Variants in CRCP observed in about 807,000 individuals in gnomAD.
CRCP encodes DNA-directed RNA polymerase III subunit RPC9.
In CRCP, 18 loss-of-function variants were observed where a neutral mutation model predicts 18.5. The ratio of observed to expected loss-of-function variants is 0.97; its 90% CI spans 0.67 to 1.44. CRCP has a LOEUF of 1.44. CRCP is among the 40% of genes most tolerant of loss of function. The pLI is 0.00. For synonymous variants in CRCP, 53 were observed against 62.9 expected (o/e 0.84, Z 0.75); for missense variants, 130 against 176.4 (o/e 0.74, Z 1.49).
chr7:66,137,245 G>T (rs1331053783), intron 4 of CRCP, among the ~76,000 whole-genome samples: 1 of 151,976 alleles, frequency 6.6e-6, no homozygotes, highest in Admixed American at 6.6e-5. Context: ...ATTGTAAATG[G>T]TGCTCATTTC....
chr7:66,121,173 C>G (rs1397820473), intron 1 of CRCP, among the ~76,000 whole-genome samples: 1 of 151,654 alleles, frequency 6.6e-6, no homozygotes, highest in Non-Finnish European at 1.5e-5. Context: ...CTCCCGAGTT[C>G]AAGCAGTCCT....
intron 1 of CRCP, among the ~76,000 whole-genome samples, chr7:66,120,343 T>A (rs1787400879): frequency 6.6e-6 from 1 of 152,342 alleles, no homozygotes; most frequent in South Asian, 2.1e-4. Flanking sequence ...ATTTTCTGAT[T>A]TTCCTAAGTG....
In CRCP at chr7:66,130,838, A is replaced by G. The variant is rs775272869; in HGVS notation, c.140A>G (p.Tyr47Cys). 5.2e-6 allele frequency: 8 copies of G among 1,536,468 alleles called. No homozygotes were observed. Among genetic ancestry groups the G allele is most frequent in the East Asian group, 2.3e-5 (1 of 44,424 alleles). The change falls in exon 3 of 6, where the codon TAT (tyrosine) becomes TGT (cysteine). Residue 47 changes from tyrosine (Y) to cysteine (C), a missense_variant. Coordinates refer to ENST00000395326, the MANE Select transcript of CRCP (RefSeq NM_014478.5). ...CAACAGAACTTGAACACTATCACCT[A>G]TGAAGTAAGGCTGGGCTTCTGCCAG... Reference protein sequence around the residue: ...SGQQNLNTITYETLKYISKTP... With the variant: ...SGQQNLNTITCETLKYISKTP...
intron 1 of CRCP, among the ~76,000 whole-genome samples, chr7:66,123,674 G>T (rs1276646651): frequency 6.6e-6 from 1 of 151,834 alleles, no homozygotes; most frequent in African/African-American, 2.4e-5. Context: ...CTTGAACTCG[G>T]GAAGTGGAGG....
intron 1 of CRCP, among the ~76,000 whole-genome samples, 170 bp from the exon 2 acceptor site, chr7:66,127,534 A>G (rs928334455): frequency 1.3e-5 from 2 of 152,238 alleles, no homozygotes; most frequent in African/African-American, 4.8e-5. Flanking sequence ...AATTGCCCAC[A>G]GCTAGCTAAA....
chr7:66,126,009 A>G (rs769530292), intron 1 of CRCP, among the ~76,000 whole-genome samples: 10 of 149,608 alleles, frequency 6.7e-5, no homozygotes, highest in Admixed American at 1.3e-4. Context: ...GAACTCTGTC[A>G]CATGCACTAA....
intron 2 of CRCP, among the ~76,000 whole-genome samples, chr7:66,128,270 A>G (rs753661910): frequency 6.6e-6 from 1 of 152,174 alleles, no homozygotes; most frequent in Non-Finnish European, 1.5e-5. Flanking sequence ...AAAGCTGGGA[A>G]GACTCTATTT....
intron 1 of CRCP, chr7:66,126,735 T>C: frequency 5.4e-6 from 2 of 370,248 alleles, no homozygotes; most frequent in Non-Finnish European, 1.1e-5. Context: ...TTGCTGGTGG[T>C]AGTGGTAGTT....
chr7:66,115,438 G>A (rs1787229738), intron 1 of CRCP, among the ~76,000 whole-genome samples: 1 of 152,154 alleles, frequency 6.6e-6, no homozygotes, highest in Non-Finnish European at 1.5e-5. Context: ...GCTGCCCTCG[G>A]AATTTGATGG....
chr7:66,127,660 G>A (rs772509504), intron 1 of CRCP, 44 bp from the exon 2 acceptor site: 2 of 1,609,172 alleles, frequency 1.2e-6, no homozygotes, highest in East Asian at 2.2e-5. Flanking sequence ...TACCCAGAAA[G>A]GGGTGTGAGC....
intron 1 of CRCP, among the ~76,000 whole-genome samples, chr7:66,122,660 A>G (rs1173182650): frequency 6.6e-6 from 1 of 151,832 alleles, no homozygotes; most frequent in Non-Finnish European, 1.5e-5. Flanking sequence ...TTACTCAAGC[A>G]TTGCTATGTT....
At chr7:66,145,922 A>T (rs542589535) in intron 5 of CRCP, among the ~76,000 whole-genome samples, 6 of 152,126 alleles carry the variant, frequency 3.9e-5, no homozygotes, top group African/African-American at 7.2e-5. Context: ...GCGCTGTCCC[A>T]TCAGCTCCCT....
chr7:66,151,731 G>T, intron 5 of CRCP, among the ~76,000 whole-genome samples: 3 of 132,474 alleles, frequency 2.3e-5, no homozygotes, highest in East Asian at 2.3e-4. Flanking sequence ...ATATAACTTA[G>T]CTTTTTCCTT....
At chr7:66,145,362 C>T in intron 4 of CRCP, 81 bp from the exon 5 acceptor site, 1 of 1,439,844 alleles carries the variant, frequency 6.9e-7, no homozygotes, top group Non-Finnish European at 9.7e-7. Context: ...TTTTATCTGG[C>T]AAATTATTCT....
chr7:66,122,961 T>C (rs903564331), intron 1 of CRCP, among the ~76,000 whole-genome samples: 107 of 150,622 alleles, frequency 7.1e-4, no homozygotes, highest in East Asian at 1.9e-3. Flanking sequence ...CTTTCTTTTT[T>C]TTTTTTTTTT....
chr7:66,116,488 TAAAAA>T (rs34037462), intron 1 of CRCP, among the ~76,000 whole-genome samples: 1 of 135,134 alleles, frequency 7.4e-6, no homozygotes, highest in Non-Finnish European at 1.6e-5. Context: ...GGCTCTGTCT[TAAAAA>T]AAAAAAAAAA....
At chr7:66,118,502 C>T (rs577222237) in intron 1 of CRCP, among the ~76,000 whole-genome samples, 2 of 152,312 alleles carry the variant, frequency 1.3e-5, no homozygotes, top group Admixed American at 6.5e-5. Context: ...TCAGCAAATA[C>T]TTGTTCAATA....
At chr7:66,147,711 CA>C (rs925097959) in intron 5 of CRCP, among the ~76,000 whole-genome samples, 2 of 152,154 alleles carry the variant, frequency 1.3e-5, no homozygotes, top group Non-Finnish European at 2.9e-5. Flanking sequence ...CAAAAGGTAG[CA>C]AATTGTTTAC....
intron 4 of CRCP, among the ~76,000 whole-genome samples, chr7:66,135,342 G>A (rs1416800442): frequency 2.6e-5 from 4 of 152,238 alleles, no homozygotes; most frequent in Admixed American, 6.5e-5. Context: ...TAAATGTCAC[G>A]AGCTGATCTC....
Sources: allele counts gnomAD v4.1 joint callset (sites outside exome capture counted in the v4.1 genomes callset), GRCh38; gene constraint gnomAD v4.1.1; transcripts MANE v1.5; gene names NCBI Gene and HGNC (gene_info 2026-07-23, HGNC 2026-07-21).